ZBTB40: variants seen among roughly 807,000 people sequenced by gnomAD.
ZBTB40 encodes zinc finger and BTB domain-containing protein 40.
Under a neutral mutation model 117.5 loss-of-function variants are expected in ZBTB40, and 60 were observed. That is an observed-to-expected ratio of 0.51 (90% CI 0.41 to 0.63). The LOEUF (loss-of-function observed/expected upper bound fraction) is 0.63, where lower values mean the gene tolerates loss of function less well. Among genes scored for constraint, ZBTB40 ranks in the 30% least tolerant of loss-of-function variants. The probability of loss-of-function intolerance (pLI) is 0.00; values close to 1 mark genes in which losing one functional copy is unlikely to be tolerated. For missense variants in ZBTB40, 1,287 were observed against 1,498.5 expected (o/e 0.86, Z 2.33); for synonymous variants, 525 against 577.1 (o/e 0.91, Z 1.29).
upstream of ZBTB40, among the ~76,000 whole-genome samples, chr1:22,451,146 TCAGGATGCCTC>T (rs149192467): frequency 7.1e-3 from 1,080 of 152,232 alleles, 9 homozygotes; most frequent in Non-Finnish European, 0.012. Flanking sequence ...AGAGGCAGGA[TCAGGATGCCTC>T]CAGGATGCCT....
intron 1 of ZBTB40, among the ~76,000 whole-genome samples, chr1:22,478,088 T>C (rs958001215): frequency 1.3e-5 from 2 of 152,198 alleles, no homozygotes; most frequent in Admixed American, 6.5e-5. Context: ...CTCTCACTTT[T>C]TGTGTTGTTG....
At chr1:22,504,078 T>C (rs1256348580) in intron 5 of ZBTB40, among the ~76,000 whole-genome samples, 1 of 152,228 alleles carries the variant, frequency 6.6e-6, no homozygotes, top group Non-Finnish European at 1.5e-5. Context: ...CTTCTTAAGA[T>C]TGGGGTTCCA....
chr1:22,500,631 G>A (rs1425551427), intron 3 of ZBTB40, among the ~76,000 whole-genome samples: 1 of 152,182 alleles, frequency 6.6e-6, no homozygotes, highest in Admixed American at 6.5e-5. Flanking sequence ...TGATACAGAG[G>A]CACTGCCAAG....
chr1:22,502,383 C>G lies in ZBTB40; in HGVS notation c.1109C>G (p.Pro370Arg). ...ATACAGTGTGTAACACAGCTGAGAC[C>G]TATTATGGAGTCCCTGGAAACAGCC... ...DLIQCVTQLRPIMESLETAKE... is the reference protein window; with the variant it reads ...DLIQCVTQLRRIMESLETAKE... Residue 370 changes from proline (P) to arginine (R), a missense_variant, in exon 5 of 18, where the codon CCT becomes CGT. Around this residue, in one of 2 missense-constraint regions of ZBTB40, gnomAD observed 870 missense variants for 934.4 expected, o/e 0.93. Coordinates refer to ENST00000375647, the MANE Select transcript of ZBTB40 (RefSeq NM_014870.4). The G allele has an allele frequency of 6.2e-7, 1 of 1,614,060 alleles. No individual in the cohort carries two copies. The highest frequency in any genetic ancestry group is 8.5e-7 in the Non-Finnish European group (1 of 1,179,976).
chr1:22,496,972 CA>C (rs1192145200), intron 3 of ZBTB40, among the ~76,000 whole-genome samples: 1 of 152,150 alleles, frequency 6.6e-6, no homozygotes, highest in African/African-American at 2.4e-5. Context: ...AGTCTTTTGC[CA>C]AAGGCCGGAG....
intron 1 of ZBTB40, among the ~76,000 whole-genome samples, chr1:22,442,171 T>C (rs984450508): frequency 6.6e-6 from 1 of 152,220 alleles, no homozygotes; most frequent in Non-Finnish European, 1.5e-5. Context: ...CTATTGAGAC[T>C]TACTTTTTGG....
At position 22,490,193 on chromosome 1, in the gene ZBTB40, A is replaced by G. The variant is rs201681716; in HGVS notation, c.245A>G (p.Lys82Arg). The G allele has an allele frequency of 1.9e-6, 3 of 1,614,134 alleles. No individual in the cohort carries two copies. The highest frequency in any genetic ancestry group is 2.5e-6 in the Non-Finnish European group (3 of 1,180,026). ...TTGTTGGAAATGATGTACACGGGCA[A>G]ACTACCTGTGGGCAAGCACAACTTC... ...ALLLEMMYTG[K>R]LPVGKHNFSK... Residue 82 changes from lysine to arginine, a missense_variant, in exon 2 of 18, where the codon AAA becomes AGA. Transcript: ENST00000375647.
chr1:22,493,792 ATGT>A (rs943482196), intron 3 of ZBTB40, among the ~76,000 whole-genome samples: 5 of 130,022 alleles, frequency 3.8e-5, no homozygotes, highest in East Asian at 2.0e-4. Context: ...AGATTCACCC[ATGT>A]TTTTTTTTTT....
In ZBTB40 at chr1:22,513,214, C is replaced by T; in HGVS notation, c.2668+84C>T. On this transcript the variant is annotated intron_variant, in intron 12 of 17. Transcript: ENST00000375647. This position sits in a 1 kb window ranked among gnomAD's most constrained non-coding sequence, Gnocchi z 4.9. ...CATTTGGATTAGGTGTGATATATAT[C>T]TCAAAAACAAAACAATTTGATAGCA... is the stretch of plus-strand genomic sequence containing the variant. 6.8e-7 allele frequency: 1 copy of T among 1,463,552 alleles called. No homozygotes were observed. The allele number at this position is 1,463,552 out of a possible 1,614,324, so 90.7% of individuals were successfully genotyped here. A position where few individuals can be genotyped will look rare whatever the true frequency, so the allele number is the denominator to read the frequency against.
intron 1 of ZBTB40, among the ~76,000 whole-genome samples, chr1:22,466,319 C>T (rs761423803): frequency 4.9e-4 from 75 of 152,068 alleles, no homozygotes; most frequent in Admixed American, 3.3e-3. Context: ...ATTTTTTGGC[C>T]GTTAGGCTTA....
chr1:22,439,663 C>T (rs889621815), intron 1 of ZBTB40, among the ~76,000 whole-genome samples: 7 of 152,168 alleles, frequency 4.6e-5, no homozygotes, highest in African/African-American at 1.7e-4. Flanking sequence ...ACATTTATTT[C>T]TAAGCTCTTT....
intron 5 of ZBTB40, 39 bp from the exon 6 acceptor site, chr1:22,506,010 G>T: frequency 6.2e-7 from 1 of 1,610,582 alleles, no homozygotes; most frequent in South Asian, 1.1e-5. Flanking sequence ...ATGTTGAATT[G>T]CCAGTAACTG....
upstream of ZBTB40, among the ~76,000 whole-genome samples, chr1:22,448,705 A>G (rs950417958): frequency 1.3e-5 from 2 of 152,202 alleles, no homozygotes; most frequent in Non-Finnish European, 2.9e-5. Context: ...GAATTAAATG[A>G]GATAATTTAA....
intron 1 of ZBTB40, among the ~76,000 whole-genome samples, chr1:22,464,599 T>C (rs537076295): frequency 5.1e-4 from 77 of 152,356 alleles, no homozygotes; most frequent in African/African-American, 1.9e-3. Context: ...TTTCCTGTTA[T>C]AAGGTTTATG....
At chr1:22,442,415 G>A (rs1640743722) in intron 1 of ZBTB40, among the ~76,000 whole-genome samples, 1 of 151,418 alleles carries the variant, frequency 6.6e-6, no homozygotes, top group African/African-American at 2.4e-5. Flanking sequence ...TTTATATGGG[G>A]GAGAGAGACC....
intron 6 of ZBTB40, among the ~76,000 whole-genome samples, chr1:22,507,012 C>T (rs1639092401): frequency 6.6e-6 from 1 of 152,140 alleles, no homozygotes; most frequent in Admixed American, 6.5e-5. Flanking sequence ...GAAAAACTCC[C>T]CACAATCCTA....
intron 1 of ZBTB40, among the ~76,000 whole-genome samples, chr1:22,459,573 A>C (rs564046835): frequency 1.3e-5 from 2 of 152,326 alleles, no homozygotes; most frequent in African/African-American, 4.8e-5. Context: ...TTGCCAATTC[A>C]TATGCTGTTA....
chr1:22,508,824 AC>A, intron 8 of ZBTB40, 93 bp downstream of exon 8: 2 of 1,313,558 alleles, frequency 1.5e-6, no homozygotes, highest in Non-Finnish European at 1.1e-6. Flanking sequence ...AACGGTAGTC[AC>A]CTACATCCCT....
At position 22,477,464 on chromosome 1, in the gene ZBTB40, C is replaced by T. The variant is rs138795851; in HGVS notation, c.-69-12416C>T. 7.2e-4 allele frequency among the ~76,000 whole-genome samples: 110 copies of T among 152,118 alleles called. 1 individual carries two copies. The East Asian group carries it at 0.011, about 15-fold the overall frequency. On this transcript the variant is annotated intron_variant, in intron 1 of 17. Transcript: ENST00000375647. ...AAGAGATCGAGACCATCCTGGCCAA[C>T]GTGGTGAAACCCCGTCTCTACTAAA...
Sources: gnomAD v4.1 joint callset for allele counts (sites outside exome capture counted in the v4.1 genomes callset) on GRCh38, gnomAD v4.1.1 for gene constraint, gnomAD v4.1.1 regional missense constraint, Gnocchi (gnomAD v3.1) non-coding constraint, MANE v1.5 for transcripts, NCBI Gene and HGNC (gene_info 2026-07-23, HGNC 2026-07-21) for gene names.